Variants in ARHGAP23 observed in about 807,000 individuals in gnomAD.
ARHGAP23 encodes the protein Rho GTPase activating protein 23, also known as rho GTPase-activating protein 23.
A neutral mutation model predicts 136.3 loss-of-function variants in ARHGAP23; 34 were observed. The observed-to-expected ratio is 0.25, with a 90% CI of 0.19 to 0.33. The LOEUF (loss-of-function observed/expected upper bound fraction) is 0.33. Ranked by LOEUF, ARHGAP23 falls within the 10% of genes least tolerant of loss-of-function variation. ARHGAP23 has a pLI of 1.00. For synonymous variants in ARHGAP23, 832 were observed against 920.5 expected (o/e 0.90, Z 1.74); for missense variants, 1,808 against 2,139.0 (o/e 0.85, Z 3.05).
intron 14 of ARHGAP23, among the ~76,000 whole-genome samples, chr17:38,480,803 CAA>C (rs764004002): frequency 0.011 from 534 of 48,300 alleles, 2 homozygotes; most frequent in African/African-American, 0.039. Flanking sequence ...GACCCTGTCT[CAA>C]AAAAAAAAAA....
Position 38,490,090 on chromosome 17 carries a change from G to T in ARHGAP23, c.2987-12G>T. On this transcript the variant is annotated splice_polypyrimidine_tract_variant and intron_variant, in intron 17 of 23. Coordinates refer to ENST00000622683, the MANE Select transcript of ARHGAP23 (RefSeq NM_001199417.2). ...GCCCCCACCTCTCTAAAGAGTCTCC[G>T]CTGTGTTCTAGACAAATACAACGAC... is the stretch of plus-strand genomic sequence containing the variant. 6.4e-7 allele frequency: 1 copy of T among 1,551,440 alleles called. No homozygotes were observed. Among genetic ancestry groups the T allele is most frequent in the South Asian group, 1.2e-5 (1 of 84,050 alleles).
chr17:38,462,645 CT>C (rs1331963247), intron 3 of ARHGAP23, among the ~76,000 whole-genome samples, 200 bp from the exon 4 acceptor site: 2 of 152,190 alleles, frequency 1.3e-5, no homozygotes, highest in African/African-American at 4.8e-5. Flanking sequence ...CATAGGTTTT[CT>C]TTCTCCCAGG....
chr17:38,457,247 G>A (rs966264431), intron 1 of ARHGAP23, among the ~76,000 whole-genome samples: 10 of 152,168 alleles, frequency 6.6e-5, no homozygotes, highest in Non-Finnish European at 2.9e-5. Context: ...TTACAGGTGT[G>A]AGCCACCGCG....
upstream of ARHGAP23, among the ~76,000 whole-genome samples, chr17:38,424,811 A>C (rs2038554189): frequency 6.6e-6 from 1 of 152,188 alleles, no homozygotes; most frequent in South Asian, 2.1e-4. Flanking sequence ...TTATCCATAG[A>C]ATGAGGATTG....
At chr17:38,496,250 A>G (rs991932487) in intron 20 of ARHGAP23, among the ~76,000 whole-genome samples, 91 of 152,180 alleles carry the variant, frequency 6.0e-4, no homozygotes, top group African/African-American at 2.2e-3. Flanking sequence ...CTTCCACCAC[A>G]TCTAAAAGCC....
intron 11 of ARHGAP23, among the ~76,000 whole-genome samples, chr17:38,476,627 G>T (rs540291380): frequency 2.0e-5 from 3 of 152,294 alleles, no homozygotes; most frequent in African/African-American, 7.2e-5. Context: ...TTAAAGGCAC[G>T]GCAGAGGTGA....
In ARHGAP23 at chr17:38,511,177, G is replaced by C. The variant is rs1223607145; in HGVS notation, c.*205G>C. 3.6e-6 allele frequency: 2 copies of C among 559,982 alleles called. No homozygotes were observed. Among genetic ancestry groups the C allele is most frequent in the Non-Finnish European group, 2.9e-6 (1 of 346,592 alleles). The allele number at this position is 559,982 out of a possible 1,614,324, so 34.7% of individuals were successfully genotyped here. A position where few individuals can be genotyped will look rare whatever the true frequency, so the allele number is the denominator to read the frequency against. ...GGCCGGACTAATTGAATGGAAGGGG[G>C]TTCCAGAGGTGATGAGCAGAAGAGG... On this transcript the variant is annotated 3_prime_UTR_variant, in exon 24 of 24. Transcript: ENST00000622683.
At chr17:38,419,351 C>G (rs1597726542) in exon 1 of ARHGAP23, 1 of 151,862 alleles carries the variant, frequency 6.6e-6, no homozygotes, top group South Asian at 2.0e-4. Context: ...CCTGCGCCCC[C>G]CGGGGCCGGC....
At position 38,428,485 on chromosome 17, in the gene ARHGAP23, G is replaced by A. The variant is rs2038609109; in HGVS notation, c.-1G>A. ...GGCCGCAGAGCCGCCGCTGCCACCC[G>A]ATGAATGGAGTCGCCTTCTGCCTGG... On this transcript the variant is annotated 5_prime_UTR_variant, in exon 1 of 24. Transcript: ENST00000622683. The A allele has an allele frequency of 6.9e-7, 1 of 1,443,898 alleles. No homozygotes were observed. The highest frequency in any genetic ancestry group is 1.4e-5 in the South Asian group (1 of 74,060). 89.4% of individuals were successfully genotyped at this position (1,443,898 alleles called of 1,614,324 possible). A position where few individuals can be genotyped will look rare whatever the true frequency, so the allele number is the denominator to read the frequency against.
intron 17 of ARHGAP23, among the ~76,000 whole-genome samples, chr17:38,487,160 C>T (rs1428337939): frequency 2.6e-5 from 4 of 152,180 alleles, no homozygotes; most frequent in African/African-American, 9.7e-5. Flanking sequence ...TCCAGCACAC[C>T]GCTGGTTGAG....
chr17:38,430,387 G>A (rs566689589), intron 1 of ARHGAP23, among the ~76,000 whole-genome samples: 59 of 152,222 alleles, frequency 3.9e-4, no homozygotes, highest in South Asian at 1.5e-3. Flanking sequence ...ACTGGGTGGG[G>A]GGAAGAGGCC....
At chr17:38,473,730 G>A (rs2039821203) in intron 11 of ARHGAP23, among the ~76,000 whole-genome samples, 1 of 152,018 alleles carries the variant, frequency 6.6e-6, no homozygotes, top group Non-Finnish European at 1.5e-5. Context: ...AGACACGAAA[G>A]GGTGAGAAGC....
Position 38,467,139 on chromosome 17 carries a change from G to T in ARHGAP23, c.1456G>T (p.Gly486Cys), listed in dbSNP as rs765234262. ...RALEPPAEDRGDEVVLRQKPP... is the reference protein window; with the variant it reads ...RALEPPAEDRCDEVVLRQKPP... ...CCTGGAGCCTCCTGCGGAGGATCGC[G>T]GCGATGAGGTGGTCCTGAGGCAGAA... The change falls in exon 7 of 24, where the codon GGC (glycine) becomes TGC (cysteine). Residue 486 changes from glycine (G) to cysteine (C), a missense_variant. Gly to Cys is a radical substitution (Grantham distance 159). Transcript: ENST00000622683. 1.1e-5 allele frequency: 17 copies of T among 1,549,586 alleles called. No homozygotes were observed. Among genetic ancestry groups the T allele is most frequent in the South Asian group, 4.8e-5 (4 of 84,000 alleles).
In ARHGAP23 at chr17:38,482,653, C is replaced by T; in HGVS notation, c.2882C>T (p.Pro961Leu). The T allele has an allele frequency of 4.5e-6, 7 of 1,548,854 alleles. No homozygotes were observed. The highest frequency in any genetic ancestry group is 6.1e-6 in the Non-Finnish European group (7 of 1,146,384). The change falls in exon 16 of 24, where the codon CCT (proline) becomes CTT (leucine). Residue 961 changes from proline (P) to leucine (L), a missense_variant. By Grantham distance (98) the Pro-to-Leu change is moderately conservative (BLOSUM62 -3). Transcript: ENST00000622683. ...SSLQEQLNRG[P>L]GDINLQDERW... Reference sequence around the variant, plus strand: ...CTACAGGAGCAGCTCAACCGCGGGCCTGGTGACATCAACCTGCAGGATGAG... The same window carrying T: ...CTACAGGAGCAGCTCAACCGCGGGCTTGGTGACATCAACCTGCAGGATGAG...
intron 20 of ARHGAP23, 124 bp downstream of exon 20, chr17:38,491,656 T>A (rs2040282230): frequency 1.5e-6 from 2 of 1,326,124 alleles, no homozygotes; most frequent in South Asian, 2.8e-5. Context: ...CTTTAGAGCA[T>A]GCTGCTAGGG....
At chr17:38,504,484 G>A (rs914638123) in intron 23 of ARHGAP23, among the ~76,000 whole-genome samples, 1 of 152,186 alleles carries the variant, frequency 6.6e-6, no homozygotes, top group African/African-American at 2.4e-5. Flanking sequence ...CTCTGAGGGT[G>A]GGCACAAATC....
chr17:38,466,437 C>G lies in ARHGAP23; in HGVS notation c.754C>G (p.Pro252Ala). Residue 252 changes from proline (P) to alanine (A), a missense_variant, in exon 7 of 24, where the codon CCC becomes GCC. Pro to Ala is a conservative substitution (Grantham distance 27). This residue lies in a region of ARHGAP23 where 859 missense variants were observed against 936.4 expected (regional missense o/e 0.92). Transcript: ENST00000622683. ...NSSLGMSQPR[P>A]SPGAFPHLSS... ...TTCCTTGGGGATGAGCCAGCCCCGC[C>G]CCAGCCCTGGTGCCTTCCCCCACCT... 1 of 1,527,528 alleles carries G rather than the reference C, an allele frequency of 6.5e-7. No homozygotes were observed. The allele number at this position is 1,527,528 out of a possible 1,614,324, so 94.6% of individuals were successfully genotyped here.
intron 20 of ARHGAP23, among the ~76,000 whole-genome samples, chr17:38,496,308 AAT>A (rs2040391189): frequency 1.3e-5 from 1 of 76,670 alleles, no homozygotes; most frequent in East Asian, 1.2e-3. Context: ...CAAAATCTAC[AAT>A]TTTTTTTTTT....
intron 16 of ARHGAP23, among the ~76,000 whole-genome samples, chr17:38,483,861 A>G (rs1228328257): frequency 6.6e-6 from 1 of 152,076 alleles, no homozygotes; most frequent in African/African-American, 2.4e-5. Context: ...AGACGATGGC[A>G]TTTTCCAAAA....
Sources: allele counts gnomAD v4.1 joint callset (sites outside exome capture counted in the v4.1 genomes callset), GRCh38; gene constraint gnomAD v4.1.1; regional missense constraint gnomAD v4.1.1; transcripts MANE v1.5; gene names NCBI Gene and HGNC (gene_info 2026-07-23, HGNC 2026-07-21).